Variants in GPHN observed in about 807,000 individuals in gnomAD.
GPHN encodes the protein gephyrin.
In GPHN, 17 loss-of-function variants were observed where a neutral mutation model predicts 95.5. The observed-to-expected ratio is 0.18, with a 90% CI of 0.12 to 0.27. The LOEUF (loss-of-function observed/expected upper bound fraction) is 0.27. Among genes scored for constraint, GPHN ranks in the 10% least tolerant of loss-of-function variants. The probability of loss-of-function intolerance (pLI) is 1.00; values close to 1 mark genes in which losing one functional copy is unlikely to be tolerated. For synonymous variants in GPHN, 320 were observed against 322.5 expected (o/e 0.99, Z 0.08); for missense variants, 660 against 978.1 (o/e 0.67, Z 4.34).
chr14:66,783,390 T>G (rs1230381096), intron 3 of GPHN, among the ~76,000 whole-genome samples: 1 of 152,056 alleles, frequency 6.6e-6, no homozygotes, highest in Non-Finnish European at 1.5e-5. Flanking sequence ...CAGAAGTTGA[T>G]CTATCACCAG....
At chr14:67,645,736 T>A in the GPHN span, 1 of 1,614,088 alleles carries the variant, frequency 6.2e-7, no homozygotes, top group Non-Finnish European at 8.5e-7. Context: ...ACACACCCCT[T>A]ACCACTTCAT....
chr14:66,683,319 C>T (rs2067055385), intron 2 of GPHN, among the ~76,000 whole-genome samples: 1 of 18,620 alleles, frequency 5.4e-5, no homozygotes, highest in Non-Finnish European at 9.6e-5. Flanking sequence ...AAAGAAATGC[C>T]CAATGTGGAA....
chr14:66,825,842 A>G (rs1162529694), intron 4 of GPHN, among the ~76,000 whole-genome samples: 2 of 152,194 alleles, frequency 1.3e-5, no homozygotes, highest in Non-Finnish European at 2.9e-5. Flanking sequence ...TCTGGCTTCT[A>G]TAGTTAGTGG....
At chr14:66,680,720 G>A (rs1270611331) in intron 1 of GPHN, among the ~76,000 whole-genome samples, 1 of 151,896 alleles carries the variant, frequency 6.6e-6, no homozygotes, top group Non-Finnish European at 1.5e-5. Flanking sequence ...TCCCTTGCTC[G>A]CCAATATTTT....
chr14:67,080,538 G>A lies in GPHN; in HGVS notation c.1145-8445G>A, dbSNP rs373022330. ...GTTTTCTTCTAGTTTTATAGTTTTA[G>A]GTCTTACATTTAGGTCTTTAATGCA... On this transcript the variant is annotated intron_variant, in intron 11 of 22. Coordinates refer to ENST00000478722, the MANE Select transcript of GPHN (RefSeq NM_020806.5). Among the ~76,000 whole-genome samples, 43 of 151,872 alleles carry A rather than the reference G, an allele frequency of 2.8e-4. No individual in the cohort carries two copies. In the South Asian group the frequency reaches 3.3e-3, roughly 12 times the overall value.
the GPHN span, among the ~76,000 whole-genome samples, chr14:67,327,882 C>T: frequency 6.6e-6 from 1 of 152,158 alleles, no homozygotes; most frequent in Admixed American, 6.5e-5. Context: ...TTAATCCAGT[C>T]TATCATTGAT....
the GPHN span, among the ~76,000 whole-genome samples, chr14:67,498,688 C>T: frequency 6.6e-6 from 1 of 152,170 alleles, no homozygotes; most frequent in Non-Finnish European, 1.5e-5. Flanking sequence ...CTTTTTAAGA[C>T]AGAGTCTCCC....
the GPHN span, among the ~76,000 whole-genome samples, chr14:67,454,910 G>A: frequency 1.3e-5 from 2 of 150,948 alleles, no homozygotes; most frequent in Non-Finnish European, 2.9e-5. Flanking sequence ...GTCTCACTCT[G>A]TCACCCAGGC....
the GPHN span, among the ~76,000 whole-genome samples, chr14:67,266,177 TAAAG>T: frequency 3.3e-5 from 5 of 152,102 alleles, no homozygotes; most frequent in Admixed American, 6.6e-5. Flanking sequence ...TGTTTAAAAT[TAAAG>T]AAATATATAT....
chr14:67,567,859 T>C, the GPHN span, among the ~76,000 whole-genome samples: 1 of 152,244 alleles, frequency 6.6e-6, no homozygotes, highest in Non-Finnish European at 1.5e-5. Flanking sequence ...CCTTGGTGAC[T>C]CACGTCACCT....
At chr14:66,984,649 G>A (rs1366981494) in intron 9 of GPHN, among the ~76,000 whole-genome samples, 1 of 152,106 alleles carries the variant, frequency 6.6e-6, no homozygotes, top group Non-Finnish European at 1.5e-5. Context: ...TTTATAGGAT[G>A]TTCAGGTTTC....
chr14:67,684,991 T>C, the GPHN span: 1 of 1,578,168 alleles, frequency 6.3e-7, no homozygotes, highest in Non-Finnish European at 8.6e-7. Flanking sequence ...AAATCTCATC[T>C]GCAAAAAGAG....
At chr14:66,905,121 C>A (rs1301691119) in intron 5 of GPHN, among the ~76,000 whole-genome samples, 1 of 151,996 alleles carries the variant, frequency 6.6e-6, no homozygotes. Context: ...GCTCTTCATG[C>A]TTTTTGCTTT....
intron 1 of GPHN, among the ~76,000 whole-genome samples, chr14:66,670,807 A>G (rs1454300362): frequency 6.6e-6 from 1 of 152,168 alleles, no homozygotes; most frequent in Non-Finnish European, 1.5e-5. Flanking sequence ...ATAAATAAAT[A>G]AATAAAAAGA....
the GPHN span, among the ~76,000 whole-genome samples, chr14:67,728,372 A>C: frequency 3.9e-5 from 6 of 152,196 alleles, no homozygotes; most frequent in Non-Finnish European, 8.8e-5. Flanking sequence ...CCCCACTCTA[A>C]ATATGAAAAG....
intron 4 of GPHN, among the ~76,000 whole-genome samples, chr14:66,869,840 A>G (rs2153527067): frequency 6.6e-6 from 1 of 152,308 alleles, no homozygotes; most frequent in Non-Finnish European, 1.5e-5. Flanking sequence ...TTATATTCAT[A>G]AGTACTCTGG....
At chr14:67,586,140 T>G in the GPHN span, 1 of 1,604,352 alleles carries the variant, frequency 6.2e-7, no homozygotes, top group Non-Finnish European at 8.5e-7. Flanking sequence ...TGGCAAGATG[T>G]GGTGGGCTTG....
chr14:66,575,361 ACATTT>A (rs2060861305), intron 1 of GPHN, among the ~76,000 whole-genome samples: 1 of 152,192 alleles, frequency 6.6e-6, no homozygotes. Flanking sequence ...CAGCATAAAA[ACATTT>A]ATTTTTGTCT....
At chr14:67,641,010 A>G in the GPHN span, among the ~76,000 whole-genome samples, 1 of 152,218 alleles carries the variant, frequency 6.6e-6, no homozygotes, top group African/African-American at 2.4e-5. Flanking sequence ...TCTGCTTTTA[A>G]GTACTTATGT....
Sources: gnomAD v4.1 joint callset for allele counts (sites outside exome capture counted in the v4.1 genomes callset) on GRCh38, gnomAD v4.1.1 for gene constraint, MANE v1.5 for transcripts, NCBI Gene and HGNC (gene_info 2026-07-23, HGNC 2026-07-21) for gene names.